The following EGFR variants were observed in gnomAD, a reference collection of about 807,000 sequenced individuals.
EGFR encodes avian erythroblastic leukemia viral (v-erb-b) oncogene homolog.
Under a neutral mutation model 143.0 loss-of-function variants are expected in EGFR, and 58 were observed. The observed-to-expected ratio is 0.41, with a 90% CI of 0.33 to 0.50. The LOEUF (loss-of-function observed/expected upper bound fraction) is 0.50. EGFR is among the 20% of genes least tolerant of loss of function. EGFR has a pLI of 0.39. For missense variants in EGFR, 1,307 were observed against 1,579.0 expected (o/e 0.83, Z 2.92); for synonymous variants, 613 against 594.4 (o/e 1.03, Z -0.45).
At chr7:55,147,936 C>T (rs1794853981) in intron 4 of EGFR, among the ~76,000 whole-genome samples, 1 of 152,222 alleles carries the variant, frequency 6.6e-6, no homozygotes, top group Non-Finnish European at 1.5e-5. Context: ...GAAGGTTTAT[C>T]CATGCTGTAG....
chr7:55,129,026 C>T (rs1471829805), intron 1 of EGFR, among the ~76,000 whole-genome samples: 1 of 152,166 alleles, frequency 6.6e-6, no homozygotes, highest in East Asian at 1.9e-4. Context: ...TTATTGCTTG[C>T]TAATTTTTCA....
intron 1 of EGFR, among the ~76,000 whole-genome samples, chr7:55,137,480 C>A (rs1274452374): frequency 1.3e-5 from 2 of 152,126 alleles, no homozygotes; most frequent in Non-Finnish European, 2.9e-5. Context: ...GCCACAGGGC[C>A]TACCCTACAA....
Position 55,205,698 on chromosome 7 carries a change from C to T in EGFR, c.*81C>T, listed in dbSNP as rs1788084126. 6.2e-7 allele frequency: 1 copy of T among 1,608,354 alleles called. No individual in the cohort carries two copies. The highest frequency in any genetic ancestry group is 2.2e-5 in the East Asian group (1 of 44,870). On this transcript the variant is annotated 3_prime_UTR_variant, in exon 28 of 28. Transcript: ENST00000275493. ...AGCCACAGCAGGTCCTCCATCCCAACAGCCATGCCCGCATTAGCTCTTAGA... is the reference window on the plus strand; with the variant it reads ...AGCCACAGCAGGTCCTCCATCCCAATAGCCATGCCCGCATTAGCTCTTAGA...
chr7:55,169,704 C>T lies in EGFR; in HGVS notation c.1881-1471C>T, dbSNP rs536822282. Among the ~76,000 whole-genome samples, 19 of 152,184 alleles carry T rather than the reference C, an allele frequency of 1.2e-4. No individual in the cohort carries two copies. In the East Asian group the frequency reaches 3.7e-3, roughly 30 times the overall value. Reference sequence around the variant, plus strand: ...GGGCCTCATCAGCGTCAGCAGGAGCCCCTCGCCTTCTGACGCTCTCACATC... The same window carrying T: ...GGGCCTCATCAGCGTCAGCAGGAGCTCCTCGCCTTCTGACGCTCTCACATC... On this transcript the variant is annotated intron_variant, in intron 15 of 27. Transcript: ENST00000275493.
intron 15 of EGFR, among the ~76,000 whole-genome samples, chr7:55,166,750 T>C (rs1377806810): frequency 1.0e-5 from 1 of 98,576 alleles, no homozygotes; most frequent in Non-Finnish European, 2.0e-5. Flanking sequence ...GATGATGGTG[T>C]TGATGGTGGT....
rs2128975750 is a variant in EGFR at position 55,205,639 on chromosome 7, C to T, written c.*22C>T. ...ATGACCACGGAGGATAGTATGAGCC[C>T]TAAAAATCCAGACTCTTTCGATACC... On this transcript the variant is annotated 3_prime_UTR_variant, in exon 28 of 28. Coordinates refer to ENST00000275493, the MANE Select transcript of EGFR (RefSeq NM_005228.5). 1 of 1,614,044 alleles carries T rather than the reference C, an allele frequency of 6.2e-7. No individual in the cohort carries two copies. Among genetic ancestry groups the T allele is most frequent in the Non-Finnish European group, 8.5e-7 (1 of 1,179,980 alleles).
intron 1 of EGFR, among the ~76,000 whole-genome samples, chr7:55,091,000 G>A (rs557704817): frequency 1.6e-4 from 24 of 152,252 alleles, no homozygotes; most frequent in African/African-American, 5.1e-4. Flanking sequence ...ATGTTCCTCC[G>A]GGGGTCAGGC....
intron 5 of EGFR, among the ~76,000 whole-genome samples, chr7:55,152,113 A>G (rs1326269348): frequency 2.6e-5 from 4 of 152,238 alleles, no homozygotes; most frequent in Non-Finnish European, 5.9e-5. Flanking sequence ...GGAGAGGGCC[A>G]TTCTCCTAGG....
At chr7:55,087,288 A>AAC (rs1461659887) in intron 1 of EGFR, among the ~76,000 whole-genome samples, 1 of 151,506 alleles carries the variant, frequency 6.6e-6, no homozygotes, top group African/African-American at 2.4e-5. Context: ...AAAAAACAAA[A>AAC]AAAAAAAAAC....
At chr7:55,050,960 T>C (rs1788453570) in intron 1 of EGFR, among the ~76,000 whole-genome samples, 1 of 152,216 alleles carries the variant, frequency 6.6e-6, no homozygotes, top group African/African-American at 2.4e-5. Flanking sequence ...CACACAGCTG[T>C]CCTGCGGTGG....
intron 1 of EGFR, among the ~76,000 whole-genome samples, chr7:55,100,611 G>A (rs1329681097): frequency 3.9e-5 from 6 of 152,204 alleles, no homozygotes; most frequent in Admixed American, 3.9e-4. Flanking sequence ...TTTGAAAGGG[G>A]ACCTCCACTT....
At chr7:55,029,887 A>G (rs1054696120) in intron 1 of EGFR, among the ~76,000 whole-genome samples, 5 of 152,254 alleles carry the variant, frequency 3.3e-5, no homozygotes, top group Non-Finnish European at 5.9e-5. Context: ...ATATGTATTT[A>G]AACATGCTGG....
intron 1 of EGFR, among the ~76,000 whole-genome samples, chr7:55,037,588 T>C (rs1349664791): frequency 2.6e-5 from 4 of 152,230 alleles, no homozygotes. Context: ...CATGGAGTGA[T>C]GCAGTAGACA....
At chr7:55,135,408 T>A (rs1794081223) in intron 1 of EGFR, among the ~76,000 whole-genome samples, 1 of 152,062 alleles carries the variant, frequency 6.6e-6, no homozygotes. Flanking sequence ...TTTTTGAGTA[T>A]CACATGTGTA....
At chr7:55,162,252 A>G (rs1402220387) in intron 13 of EGFR, among the ~76,000 whole-genome samples, 1 of 152,272 alleles carries the variant, frequency 6.6e-6, no homozygotes, top group Non-Finnish European at 1.5e-5. Context: ...CATAAATAGG[A>G]AAGTAAAACT....
chr7:55,079,570 A>G (rs1245125473), intron 1 of EGFR, among the ~76,000 whole-genome samples: 1 of 149,690 alleles, frequency 6.7e-6, no homozygotes, highest in African/African-American at 2.4e-5. Flanking sequence ...TTTGTTCAGC[A>G]TGGATTTTAT....
chr7:55,170,574 C>G (rs530043155), intron 15 of EGFR: 20 of 1,611,534 alleles, frequency 1.2e-5, no homozygotes, highest in Non-Finnish European at 1.6e-5. Context: ...CTGTTCCCCC[C>G]GCTTTTCCTT....
rs17337353 is a variant in EGFR at position 55,192,665 on chromosome 7, G to C, written c.2626-101G>C. The C allele has an allele frequency of 7.6e-3, 8,239 of 1,084,550 alleles. 425 individuals carry two copies. The African/African-American group carries it at 0.11, about 15-fold the overall frequency. The allele number at this position is 1,084,550 out of a possible 1,614,324, so 67.2% of individuals were successfully genotyped here. A position where few individuals can be genotyped will look rare whatever the true frequency, so the allele number is the denominator to read the frequency against. ...GACGGGTCCTGGGGTGATCTGGCTC[G>C]TCTGTGTGTGTCACTCGTAATTAGG... On this transcript the variant is annotated intron_variant, in intron 21 of 27. Transcript: ENST00000275493.
In EGFR at chr7:55,155,887, A is replaced by G. The variant is rs1484032303; in HGVS notation, c.947A>G (p.Tyr316Cys). 3 of 1,613,894 alleles carry G rather than the reference A, an allele frequency of 1.9e-6. No homozygotes were observed. The African/African-American group carries it at 4.0e-5, about 22-fold the overall frequency. Residue 316 changes from tyrosine to cysteine, a missense_variant, in exon 8 of 28, where the codon TAT becomes TGT. Tyr to Cys is a radical substitution (Grantham distance 194). This residue lies in a region of EGFR where 311 missense variants were observed against 412.3 expected (regional missense o/e 0.75). Transcript: ENST00000275493. ...SCVRACGADS[Y>C]EMEEDGVRKC... The stretch of plus-strand genomic sequence containing the variant: ...GTCCGAGCCTGTGGGGCCGACAGCT[A>G]TGAGATGGAGGAAGACGGCGTCCGC...
Sources: allele counts gnomAD v4.1 joint callset (sites outside exome capture counted in the v4.1 genomes callset), GRCh38; gene constraint gnomAD v4.1.1; regional missense constraint gnomAD v4.1.1; transcripts MANE v1.5; gene names NCBI Gene and HGNC (gene_info 2026-07-23, HGNC 2026-07-21).